Variants in PAK2 observed in about 807,000 individuals in gnomAD.
PAK2 encodes serine/threonine-protein kinase PAK 2.
PAK2 carries 21 observed loss-of-function variants against 65.9 expected under a neutral mutation model. The observed-to-expected ratio is 0.32, with a 90% CI of 0.23 to 0.46. PAK2 has a LOEUF of 0.46. Among genes scored for constraint, PAK2 ranks in the 20% least tolerant of loss-of-function variants. The pLI, the probability that PAK2 is intolerant of heterozygous loss-of-function variation, is 1.00. For synonymous variants in PAK2, 204 were observed against 219.7 expected (o/e 0.93, Z 0.63); for missense variants, 324 against 642.6 (o/e 0.50, Z 5.36).
chr3:196,787,711 A>T (rs780059161), intron 2 of PAK2, among the ~76,000 whole-genome samples: 1 of 152,152 alleles, frequency 6.6e-6, no homozygotes, highest in East Asian at 1.9e-4. Context: ...GTTTAGTTGC[A>T]TGTCGTTTTC....
At chr3:196,811,897 G>A (rs1440161797) in intron 8 of PAK2, among the ~76,000 whole-genome samples, 1 of 152,010 alleles carries the variant, frequency 6.6e-6, no homozygotes, top group Admixed American at 6.6e-5. Flanking sequence ...AGGGCTTATG[G>A]GAATCTTCAA....
At chr3:196,780,322 CAGA>C (rs1714665865) in intron 1 of PAK2, among the ~76,000 whole-genome samples, 1 of 152,182 alleles carries the variant, frequency 6.6e-6, no homozygotes, top group Non-Finnish European at 1.5e-5. Context: ...GGGCCATTTA[CAGA>C]AGAAAGAGGT....
chr3:196,803,696 C>T (rs1223298927), intron 4 of PAK2, among the ~76,000 whole-genome samples: 1 of 152,114 alleles, frequency 6.6e-6, no homozygotes, highest in East Asian at 1.9e-4. Flanking sequence ...GGATTTATAC[C>T]TCAGAAATGG....
chr3:196,819,951 T>G (rs914528087), intron 12 of PAK2, among the ~76,000 whole-genome samples: 1 of 152,156 alleles, frequency 6.6e-6, no homozygotes, highest in Non-Finnish European at 1.5e-5. Flanking sequence ...AAGACCAGCC[T>G]AGGCAACACA....
chr3:196,824,205 CTCTCG>C (rs766349993), intron 13 of PAK2, among the ~76,000 whole-genome samples: 2 of 152,174 alleles, frequency 1.3e-5, no homozygotes, highest in Non-Finnish European at 2.9e-5. Context: ...AGGTCTCCCT[CTCTCG>C]TCTGTACATA....
intron 2 of PAK2, among the ~76,000 whole-genome samples, chr3:196,794,192 A>G (rs911080110): frequency 2.6e-5 from 4 of 152,170 alleles, no homozygotes; most frequent in Admixed American, 1.3e-4. Flanking sequence ...GATGGAAAAT[A>G]TGAGAGAAAA....
At chr3:196,742,631 T>C (rs997987898) in intron 1 of PAK2, among the ~76,000 whole-genome samples, 4 of 152,194 alleles carry the variant, frequency 2.6e-5, no homozygotes, top group Admixed American at 2.0e-4. Context: ...CTGGGTCTTC[T>C]TCGCCGGGCG....
chr3:196,824,403 A>G (rs1285395554), intron 13 of PAK2, among the ~76,000 whole-genome samples: 1 of 152,198 alleles, frequency 6.6e-6, no homozygotes, highest in Non-Finnish European at 1.5e-5. Flanking sequence ...TAATGAGAAA[A>G]ACTTCCAGGC....
At chr3:196,776,483 A>G (rs545246002) in intron 1 of PAK2, among the ~76,000 whole-genome samples, 2 of 152,294 alleles carry the variant, frequency 1.3e-5, no homozygotes, top group Admixed American at 6.5e-5. Context: ...TTTTGCGGAC[A>G]TTTCCTCAAA....
intron 1 of PAK2, among the ~76,000 whole-genome samples, chr3:196,745,268 A>G (rs1376356373): frequency 6.9e-6 from 1 of 144,938 alleles, no homozygotes; most frequent in Non-Finnish European, 1.5e-5. Context: ...GCACCATACC[A>G]TCGCACCCAA....
At chr3:196,787,843 AAC>A (rs1339191403) in intron 2 of PAK2, among the ~76,000 whole-genome samples, 3 of 152,224 alleles carry the variant, frequency 2.0e-5, no homozygotes, top group Admixed American at 6.5e-5. Flanking sequence ...TGGAAGCTGA[AAC>A]ACAGCCCAGT....
At chr3:196,810,910 A>G (rs1205718894) in intron 8 of PAK2, among the ~76,000 whole-genome samples, 1 of 152,098 alleles carries the variant, frequency 6.6e-6, no homozygotes, top group Non-Finnish European at 1.5e-5. Flanking sequence ...AGAGGGAAGA[A>G]TTGCCCATAA....
At chr3:196,800,116 C>A (rs140968608) in intron 2 of PAK2, among the ~76,000 whole-genome samples, 23 of 152,284 alleles carry the variant, frequency 1.5e-4, no homozygotes, top group African/African-American at 5.5e-4. Context: ...TGCAGTGGCT[C>A]ATGTCTGTAA....
At chr3:196,753,812 C>T (rs1255551487) in intron 1 of PAK2, among the ~76,000 whole-genome samples, 1 of 152,032 alleles carries the variant, frequency 6.6e-6, no homozygotes, top group Non-Finnish European at 1.5e-5. Flanking sequence ...AATATTTTGA[C>T]AGATTCTGTC....
chr3:196,805,359 T>C lies in PAK2; in HGVS notation c.444T>C (p.Asp148=). The C allele has an allele frequency of 6.9e-7, 1 of 1,452,780 alleles. No homozygotes were observed. The allele number at this position is 1,452,780 out of a possible 1,614,324, so 90.0% of individuals were successfully genotyped here. The change falls in exon 5 of 15, where the codon GAT becomes GAC. Residue 148 remains aspartate (D), a synonymous_variant. Coordinates refer to ENST00000327134, the MANE Select transcript of PAK2 (RefSeq NM_002577.4). ...KYLSFTPPEK[D]GFPSGTPALN... ...GTTTTGTTTCATATTCAGAGAAAGATGGCTTTCCTTCTGGAACACCAGCAG... is the reference window on the plus strand; with the variant it reads ...GTTTTGTTTCATATTCAGAGAAAGACGGCTTTCCTTCTGGAACACCAGCAG...
chr3:196,813,673 T>A (rs1715900961), intron 10 of PAK2, among the ~76,000 whole-genome samples: 1 of 152,038 alleles, frequency 6.6e-6, no homozygotes, highest in Non-Finnish European at 1.5e-5. Flanking sequence ...CTTTTCAGGC[T>A]AGGCACGGTA....
chr3:196,802,494 C>G (rs959380377), intron 3 of PAK2, among the ~76,000 whole-genome samples: 1 of 152,058 alleles, frequency 6.6e-6, no homozygotes, highest in Admixed American at 6.6e-5. Flanking sequence ...TTGGATATAT[C>G]GTTTTCCTAG....
chr3:196,808,858 C>G (rs1165329886), intron 7 of PAK2, among the ~76,000 whole-genome samples: 1 of 151,718 alleles, frequency 6.6e-6, no homozygotes, highest in Non-Finnish European at 1.5e-5. Flanking sequence ...GAGACTCAGT[C>G]TCAAAAAATA....
chr3:196,818,440 G>A (rs893219132), intron 12 of PAK2, among the ~76,000 whole-genome samples: 3 of 152,122 alleles, frequency 2.0e-5, no homozygotes, highest in Admixed American at 2.0e-4. Context: ...GCCCAGGCTG[G>A]AGTGCAACCT....
Sources: gnomAD v4.1 joint callset for allele counts (sites outside exome capture counted in the v4.1 genomes callset) on GRCh38, gnomAD v4.1.1 for gene constraint, MANE v1.5 for transcripts, NCBI Gene and HGNC (gene_info 2026-07-23, HGNC 2026-07-21) for gene names.